Variants in SMYD4 observed in about 807,000 individuals in gnomAD.
SMYD4 encodes the protein SET and MYND domain containing 4.
In SMYD4, 68 loss-of-function variants were observed where a neutral mutation model predicts 72.8. That is an observed-to-expected ratio of 0.93 (90% CI 0.77 to 1.14). The LOEUF is 1.14. SMYD4 is among the 50% of genes most tolerant of loss of function. The pLI is 0.00. For missense variants in SMYD4, 984 were observed against 1,003.7 expected, an observed-to-expected ratio of 0.98 and a Z score of 0.27; for synonymous variants, 407 against 388.6, an observed-to-expected ratio of 1.05 and a Z score of -0.56.
At chr17:1,812,931 T>C (rs138354022) in intron 2 of SMYD4, among the ~76,000 whole-genome samples, 3 of 138,204 alleles carry the variant, frequency 2.2e-5, no homozygotes, top group Non-Finnish European at 4.7e-5. Context: ...CCTCGGATCA[T>C]ACATCATAAA....
At chr17:1,798,805 A>G (rs1438157249) in intron 5 of SMYD4, among the ~76,000 whole-genome samples, 2 of 151,792 alleles carry the variant, frequency 1.3e-5, no homozygotes, top group East Asian at 1.9e-4. Context: ...GAGGCTGAGC[A>G]TGAGAATCAT....
intron 5 of SMYD4, among the ~76,000 whole-genome samples, chr17:1,797,629 C>T (rs1364613438): frequency 6.6e-6 from 1 of 152,170 alleles, no homozygotes; most frequent in Non-Finnish European, 1.5e-5. Context: ...TGGAAGGCTG[C>T]GCTGGGCTGG....
chr17:1,805,667 C>T (rs930107681), intron 3 of SMYD4, among the ~76,000 whole-genome samples: 5 of 151,594 alleles, frequency 3.3e-5, no homozygotes, highest in African/African-American at 1.2e-4. Flanking sequence ...CAAAAATTAG[C>T]CAGGCATGGT....
intron 2 of SMYD4, among the ~76,000 whole-genome samples, chr17:1,812,579 C>T (rs1910387891): frequency 1.7e-5 from 2 of 115,034 alleles, no homozygotes; most frequent in African/African-American, 6.7e-5. Context: ...GAGATGGAGT[C>T]TCACTGTCAC....
intron 4 of SMYD4, among the ~76,000 whole-genome samples, chr17:1,803,829 C>G (rs1295371443): frequency 3.3e-5 from 5 of 151,684 alleles, no homozygotes; most frequent in Non-Finnish European, 4.4e-5. Flanking sequence ...TCAACACTAT[C>G]CCATATGGTC....
At chr17:1,790,169 A>G (rs1175286013) in intron 5 of SMYD4, among the ~76,000 whole-genome samples, 1 of 152,226 alleles carries the variant, frequency 6.6e-6, no homozygotes, top group Non-Finnish European at 1.5e-5. Context: ...GGCAATCTAT[A>G]TTAGAACCAT....
At chr17:1,792,041 CA>C (rs754886455) in intron 5 of SMYD4, among the ~76,000 whole-genome samples, 6 of 92,936 alleles carry the variant, frequency 6.5e-5, no homozygotes, top group Non-Finnish European at 1.4e-4. Flanking sequence ...ACCTAAAATA[CA>C]TTTTTTTTTT....
At chr17:1,801,421 T>C (rs2151235730) in intron 4 of SMYD4, among the ~76,000 whole-genome samples, 1 of 151,580 alleles carries the variant, frequency 6.6e-6, no homozygotes, top group East Asian at 2.0e-4. Context: ...TTTGTATTTT[T>C]AGTAGAGACG....
chr17:1,812,223 C>T, intron 2 of SMYD4, 108 bp from the exon 3 acceptor site: 1 of 1,219,836 alleles, frequency 8.2e-7, no homozygotes, highest in Non-Finnish European at 1.2e-6. Flanking sequence ...ACATTTCACA[C>T]ACATGAGGAT....
At chr17:1,806,886 T>C (rs917177740) in intron 3 of SMYD4, among the ~76,000 whole-genome samples, 5 of 152,122 alleles carry the variant, frequency 3.3e-5, no homozygotes, top group African/African-American at 1.2e-4. Context: ...ATGACATACA[T>C]ACAAGGGTTT....
chr17:1,789,891 G>A (rs1567768161), intron 5 of SMYD4, among the ~76,000 whole-genome samples: 1 of 152,038 alleles, frequency 6.6e-6, no homozygotes, highest in African/African-American at 2.4e-5. Flanking sequence ...CATTTTGCAG[G>A]GAATCCAAAT....
chr17:1,786,870 C>T lies in SMYD4; in HGVS notation c.1824G>A (p.Arg608=), dbSNP rs996012237. ...ACPACQTEAH[R]MAAGPRWEAF... ...CTTCCCACCTGGGCCCTGCAGCCATCCTGTGTGCCTCAGTTTGACAAGCTG... is the reference window on the plus strand; with the variant it reads ...CTTCCCACCTGGGCCCTGCAGCCATTCTGTGTGCCTCAGTTTGACAAGCTG... Residue 608 remains arginine, a synonymous_variant, in exon 7 of 11, where the codon AGG becomes AGA. Coordinates refer to ENST00000305513, the MANE Select transcript of SMYD4 (RefSeq NM_052928.3). 7.4e-6 allele frequency: 12 copies of T among 1,614,120 alleles called. No individual in the cohort carries two copies. In the African/African-American group the frequency reaches 1.6e-4, roughly 22 times the overall value.
chr17:1,786,335 G>A (rs556485788), intron 7 of SMYD4, among the ~76,000 whole-genome samples: 48 of 152,248 alleles, frequency 3.2e-4, no homozygotes, highest in African/African-American at 1.1e-3. Flanking sequence ...GAAAGCCCCT[G>A]GATCAAGCTG....
chr17:1,787,743 A>C, intron 5 of SMYD4, 139 bp from the exon 6 acceptor site: 1 of 879,314 alleles, frequency 1.1e-6, no homozygotes, highest in Non-Finnish European at 1.7e-6. Flanking sequence ...TCCAATATAA[A>C]TCAGATGGGA....
intron 4 of SMYD4, chr17:1,804,378 T>G (rs1023116883): frequency 5.4e-6 from 2 of 373,624 alleles, no homozygotes; most frequent in African/African-American, 4.1e-5. Flanking sequence ...GGTTCCACTG[T>G]GTCGGCCACG....
chr17:1,824,776 T>A (rs979947836), intron 2 of SMYD4, among the ~76,000 whole-genome samples: 1 of 152,046 alleles, frequency 6.6e-6, no homozygotes, highest in African/African-American at 2.4e-5. Flanking sequence ...CATGCCGCAA[T>A]GCCTGGCTAA....
chr17:1,786,903 G>A lies in SMYD4; in HGVS notation c.1791C>T (p.Cys597=), dbSNP rs757435826. Residue 597 remains cysteine, a synonymous_variant, in exon 7 of 11, where the codon TGC becomes TGT. Coordinates refer to ENST00000305513, the MANE Select transcript of SMYD4 (RefSeq NM_052928.3). ...QKLRSQYFFD[C]ACPACQTEAH... Reference sequence around the variant, plus strand: ...CCTCAGTTTGACAAGCTGGACAGGCGCAGTCAAAGAAATACTGAGACCTCA... The same window carrying A: ...CCTCAGTTTGACAAGCTGGACAGGCACAGTCAAAGAAATACTGAGACCTCA... 7.4e-6 allele frequency: 12 copies of A among 1,614,078 alleles called. No homozygotes were observed. The highest frequency in any genetic ancestry group is 3.3e-5 in the Admixed American group (2 of 60,000).
intron 2 of SMYD4, among the ~76,000 whole-genome samples, chr17:1,817,939 C>G (rs982773444): frequency 6.7e-6 from 1 of 148,502 alleles, no homozygotes; most frequent in East Asian, 2.0e-4. Context: ...CCCAGCTACT[C>G]GGGAGGCTGA....
intron 2 of SMYD4, among the ~76,000 whole-genome samples, chr17:1,822,677 C>A (rs745334976): frequency 6.6e-6 from 1 of 152,086 alleles, no homozygotes; most frequent in African/African-American, 2.4e-5. Context: ...GTTGCCCAGG[C>A]TGGTCTTGAA....
Sources: allele counts gnomAD v4.1 joint callset (sites outside exome capture counted in the v4.1 genomes callset), GRCh38; gene constraint gnomAD v4.1.1; transcripts MANE v1.5; gene names NCBI Gene and HGNC (gene_info 2026-07-23, HGNC 2026-07-21).